TMEM30A: variants seen among roughly 807,000 people sequenced by gnomAD.
TMEM30A encodes the protein cell cycle control protein 50A.
TMEM30A carries 24 observed loss-of-function variants against 38.2 expected under a neutral mutation model. The observed-to-expected ratio is 0.63, with a 90% CI of 0.46 to 0.88. The LOEUF (loss-of-function observed/expected upper bound fraction) is 0.88. Among genes scored for constraint, TMEM30A ranks in the 40% least tolerant of loss-of-function variants. TMEM30A has a pLI of 0.00. For synonymous variants in TMEM30A, 145 were observed against 161.6 expected (o/e 0.90, Z 0.78); for missense variants, 370 against 458.6 (o/e 0.81, Z 1.77).
chr6:75,283,973 A>G (rs1181578536), intron 1 of TMEM30A, among the ~76,000 whole-genome samples: 1 of 152,128 alleles, frequency 6.6e-6, no homozygotes, highest in East Asian at 1.9e-4. Flanking sequence ...CCACAAAGGT[A>G]ATGGCACTTT....
chr6:75,257,179 C>T (rs1771880590), intron 6 of TMEM30A, among the ~76,000 whole-genome samples: 1 of 152,120 alleles, frequency 6.6e-6, no homozygotes, highest in Non-Finnish European at 1.5e-5. Context: ...AGACCTCTAG[C>T]TAACCCAACA....
intron 1 of TMEM30A, among the ~76,000 whole-genome samples, chr6:75,269,414 T>C (rs1772128472): frequency 6.6e-6 from 1 of 152,206 alleles, no homozygotes; most frequent in Non-Finnish European, 1.5e-5. Flanking sequence ...CTTTTCAGAT[T>C]GGTTTCTTTC....
chr6:75,284,732 C>CCGCCGCCGCCGCAGCCACCAG lies in TMEM30A; in HGVS notation c.-115_-95dup, dbSNP rs1044751642. On this transcript the variant is annotated 5_prime_UTR_variant, in exon 1 of 7. Transcript: ENST00000230461. ...AGGAACCGCTCGAGCGCCGCTGCCG[C>CCGCCGCCGCCGCAGCCACCAG]CGCCGCCGCCGCAGCCACCAGCGCC... 6.6e-5 allele frequency: 82 copies of CCGCCGCCGCCGCAGCCACCAG among 1,242,860 alleles called. 1 individual carries two copies. In the East Asian group the frequency reaches 2.0e-3, roughly 30 times the overall value. The allele number at this position is 1,242,860 out of a possible 1,614,324, so 77.0% of individuals were successfully genotyped here.
intron 6 of TMEM30A, chr6:75,256,839 C>T: frequency 2.2e-6 from 1 of 452,740 alleles, no homozygotes; most frequent in Non-Finnish European, 4.4e-6. Context: ...TGTGACACAG[C>T]TGATAGCTAA....
chr6:75,262,471 C>A (rs1031539653), intron 3 of TMEM30A, among the ~76,000 whole-genome samples: 9 of 152,040 alleles, frequency 5.9e-5, no homozygotes, highest in Non-Finnish European at 1.2e-4. Flanking sequence ...GGTGAAACCA[C>A]GTCTCTACTA....
intron 1 of TMEM30A, 55 bp downstream of exon 1, chr6:75,284,347 C>G (rs1461598512): frequency 1.3e-6 from 2 of 1,537,128 alleles, no homozygotes; most frequent in Non-Finnish European, 1.8e-6. Flanking sequence ...GGAGTGGGCG[C>G]GTAGGACCCT....
intron 2 of TMEM30A, among the ~76,000 whole-genome samples, chr6:75,266,884 T>C (rs1353036119): frequency 6.6e-6 from 1 of 152,208 alleles, no homozygotes; most frequent in African/African-American, 2.4e-5. Context: ...CTGTCCTTTA[T>C]GTCAGTGCAA....
intron 2 of TMEM30A, among the ~76,000 whole-genome samples, chr6:75,265,669 G>C (rs1319301878): frequency 1.3e-5 from 2 of 152,246 alleles, no homozygotes; most frequent in African/African-American, 4.8e-5. Context: ...ATTCAAACTG[G>C]TCTTCACCCA....
At chr6:75,269,105 C>A (rs1348814137) in intron 1 of TMEM30A, among the ~76,000 whole-genome samples, 1 of 152,188 alleles carries the variant, frequency 6.6e-6, no homozygotes, top group Non-Finnish European at 1.5e-5. Flanking sequence ...CCACTATCAA[C>A]ATCTCACACC....
At chr6:75,262,285 T>G (rs1160568378) in intron 3 of TMEM30A, among the ~76,000 whole-genome samples, 1 of 152,096 alleles carries the variant, frequency 6.6e-6, no homozygotes, top group Non-Finnish European at 1.5e-5. Flanking sequence ...AAGCAAAGGT[T>G]GCAGTGAGCA....
chr6:75,275,010 CAAAA>C (rs71002728), intron 1 of TMEM30A, among the ~76,000 whole-genome samples: 5 of 124,702 alleles, frequency 4.0e-5, no homozygotes, highest in Non-Finnish European at 1.7e-5. Context: ...GACTCTGTCT[CAAAA>C]AAAAAAAAAA....
intron 1 of TMEM30A, among the ~76,000 whole-genome samples, chr6:75,278,250 C>T (rs1016751038): frequency 6.6e-6 from 1 of 152,202 alleles, no homozygotes; most frequent in African/African-American, 2.4e-5. Context: ...TACCATTTCA[C>T]CACCAGATAA....
intron 1 of TMEM30A, among the ~76,000 whole-genome samples, chr6:75,274,357 T>A (rs1424458668): frequency 1.3e-5 from 2 of 152,074 alleles, no homozygotes; most frequent in African/African-American, 4.8e-5. Context: ...TTGAACAGTA[T>A]CCTGAATGCT....
chr6:75,269,061 A>T (rs571544525), intron 1 of TMEM30A, among the ~76,000 whole-genome samples: 1 of 152,154 alleles, frequency 6.6e-6, no homozygotes, highest in Admixed American at 6.5e-5. Flanking sequence ...GTTCCCATAT[A>T]CTCTCTGCCT....
rs1300783818 is a variant in TMEM30A at position 75,255,680 on chromosome 6, G to A, written c.*422C>T. 2 of 153,996 alleles carry A rather than the reference G, an allele frequency of 1.3e-5. No individual in the cohort carries two copies. Among genetic ancestry groups the A allele is most frequent in the Non-Finnish European group, 2.9e-5 (2 of 69,052 alleles). 9.5% of individuals were successfully genotyped at this position (153,996 alleles called of 1,614,324 possible). A position where few individuals can be genotyped will look rare whatever the true frequency, so the allele number is the denominator to read the frequency against. On this transcript the variant is annotated 3_prime_UTR_variant, in exon 7 of 7. Transcript: ENST00000230461. ...TTCATCTTTCTCTGAATCCTGAAAG[G>A]TTAGCAAGTCATTATACTCATACAT... is the stretch of plus-strand genomic sequence containing the variant.
chr6:75,278,613 C>T (rs754391371), intron 1 of TMEM30A, among the ~76,000 whole-genome samples: 1 of 152,156 alleles, frequency 6.6e-6, no homozygotes, highest in Non-Finnish European at 1.5e-5. Context: ...AGTGAAGACT[C>T]AGTAAAACAG....
At position 75,260,878 on chromosome 6, in the gene TMEM30A, T is replaced by A. The variant is rs770920346; in HGVS notation, c.487A>T (p.Asn163Tyr). The change falls in exon 4 of 7, where the codon AAT (asparagine) becomes TAT (tyrosine). Residue 163 changes from asparagine to tyrosine, a missense_variant. Transcript: ENST00000230461. The stretch of plus-strand genomic sequence containing the variant: ...CAAGGAGCAATTGGTTTGTCTTCAT[T>A]TCTTCGATAAGGTTCACATTCCTTA... ...PSKECEPYRRNEDKPIAPCGA... is the reference protein window; with the variant it reads ...PSKECEPYRRYEDKPIAPCGA... 1 of 1,602,352 alleles carries A rather than the reference T, an allele frequency of 6.2e-7. No individual in the cohort carries two copies. The highest frequency in any genetic ancestry group is 8.5e-7 in the Non-Finnish European group (1 of 1,177,424).
intron 2 of TMEM30A, among the ~76,000 whole-genome samples, chr6:75,266,319 C>T (rs1425340314): frequency 6.6e-6 from 1 of 152,010 alleles, no homozygotes; most frequent in African/African-American, 2.4e-5. Context: ...TTTTCCCATT[C>T]TATATAAAGA....
intron 1 of TMEM30A, among the ~76,000 whole-genome samples, chr6:75,278,993 GA>G (rs1772309830): frequency 6.6e-6 from 1 of 152,054 alleles, no homozygotes; most frequent in Non-Finnish European, 1.5e-5. Context: ...ATCCTCCTTT[GA>G]ACTACCAAAG....
Sources: gnomAD v4.1 joint callset for allele counts (sites outside exome capture counted in the v4.1 genomes callset) on GRCh38, gnomAD v4.1.1 for gene constraint, MANE v1.5 for transcripts, NCBI Gene and HGNC (gene_info 2026-07-23, HGNC 2026-07-21) for gene names.